Variants in SYNPR observed in about 807,000 individuals in gnomAD.
The protein encoded by SYNPR is synaptoporin.
A neutral mutation model predicts 32.9 loss-of-function variants in SYNPR; 23 were observed. That is an observed-to-expected ratio of 0.70 (90% CI 0.50 to 0.99). The LOEUF is 0.99. Among genes scored for constraint, SYNPR ranks in the 50% least tolerant of loss-of-function variants. SYNPR has a pLI of 0.00. For synonymous variants in SYNPR, 146 were observed against 135.9 expected (o/e 1.07, Z -0.52); for missense variants, 318 against 349.3 (o/e 0.91, Z 0.71).
chr3:63,496,566 C>T (rs1424516302), intron 3 of SYNPR, among the ~76,000 whole-genome samples: 2 of 152,128 alleles, frequency 1.3e-5, no homozygotes, highest in Non-Finnish European at 2.9e-5. Flanking sequence ...TAGATTTTGC[C>T]AAATTCCTCT....
chr3:63,442,472 G>C (rs1700197047), intron 2 of SYNPR, among the ~76,000 whole-genome samples: 1 of 152,168 alleles, frequency 6.6e-6, no homozygotes, highest in Non-Finnish European at 1.5e-5. Context: ...CACGATGCCA[G>C]TGTGAGAACA....
chr3:63,226,224 A>G (rs2086127186), upstream of SYNPR, among the ~76,000 whole-genome samples: 1 of 152,182 alleles, frequency 6.6e-6, no homozygotes, highest in South Asian at 2.1e-4. Flanking sequence ...AGATGTGGAA[A>G]AAAGGGAACT....
At chr3:63,490,086 A>C (rs2106714190) in intron 3 of SYNPR, among the ~76,000 whole-genome samples, 1 of 152,286 alleles carries the variant, frequency 6.6e-6, no homozygotes, top group Non-Finnish European at 1.5e-5. Flanking sequence ...TGGTTGGGGG[A>C]AAACCTTGCT....
intron 2 of SYNPR, among the ~76,000 whole-genome samples, chr3:63,473,541 G>C (rs761973596): frequency 2.0e-5 from 3 of 152,146 alleles, no homozygotes; most frequent in Admixed American, 6.5e-5. Context: ...GTAAAACAAA[G>C]CATAAGCAAA....
intron 5 of SYNPR, among the ~76,000 whole-genome samples, chr3:63,609,743 C>A (rs1362119612): frequency 2.6e-5 from 4 of 152,038 alleles, no homozygotes; most frequent in Non-Finnish European, 4.4e-5. Flanking sequence ...CCTGTCTCTA[C>A]TAAAAATACA....
intron 2 of SYNPR, among the ~76,000 whole-genome samples, chr3:63,450,111 C>G (rs1003931211): frequency 6.6e-6 from 1 of 152,194 alleles, no homozygotes; most frequent in Non-Finnish European, 1.5e-5. Context: ...ACAGGCTTGG[C>G]TTTCTTACTC....
intron 2 of SYNPR, among the ~76,000 whole-genome samples, chr3:63,461,824 C>A (rs1354541478): frequency 2.0e-5 from 3 of 151,888 alleles, no homozygotes; most frequent in African/African-American, 4.8e-5. Flanking sequence ...AGAGATAATA[C>A]CCATCTTGCA....
chr3:63,493,511 G>T lies in SYNPR; in HGVS notation c.209+12555G>T, dbSNP rs1441630980. 8.5e-5 allele frequency among the ~76,000 whole-genome samples: 13 copies of T among 152,078 alleles called. No homozygotes were observed. The South Asian group carries it at 1.7e-3, about 19-fold the overall frequency. On this transcript the variant is annotated intron_variant, in intron 3 of 5. Coordinates refer to ENST00000478300, the MANE Select transcript of SYNPR (RefSeq NM_001130003.2). ...CTACCTGCATGGTAACGTGTAGAAA[G>T]CTCATTTAAAATGGAGATTCCAGCC...
intron 2 of SYNPR, among the ~76,000 whole-genome samples, chr3:63,477,037 G>A (rs185846637): frequency 1.2e-4 from 19 of 152,248 alleles, no homozygotes; most frequent in Admixed American, 3.3e-4. Context: ...TGATTTGCCC[G>A]GTGTCACACA....
chr3:63,466,454 G>GT (rs34563762), intron 2 of SYNPR, among the ~76,000 whole-genome samples: 32,892 of 145,618 alleles, frequency 0.23, 4,375 homozygotes, highest in East Asian at 0.44. Flanking sequence ...TTCAGGATTT[G>GT]TTTTTTTTTT....
upstream of SYNPR, among the ~76,000 whole-genome samples, chr3:63,225,007 G>C (rs1423152929): frequency 2.0e-5 from 3 of 152,122 alleles, no homozygotes; most frequent in African/African-American, 7.2e-5. Context: ...TGATCCCTTG[G>C]CATGAGGATT....
intron 4 of SYNPR, among the ~76,000 whole-genome samples, chr3:63,603,688 T>C (rs1272793834): frequency 6.6e-6 from 1 of 152,360 alleles, no homozygotes; most frequent in East Asian, 1.9e-4. Context: ...ATCCCAGGGA[T>C]AAAGCCTGCT....
intron 2 of SYNPR, among the ~76,000 whole-genome samples, chr3:63,264,647 T>A (rs1458232094): frequency 6.6e-6 from 1 of 152,186 alleles, no homozygotes; most frequent in Non-Finnish European, 1.5e-5. Context: ...AAATTCGGTA[T>A]ATTAGTTAGT....
chr3:63,412,098 C>T (rs1165328827), intron 2 of SYNPR, among the ~76,000 whole-genome samples: 1 of 151,988 alleles, frequency 6.6e-6, no homozygotes, highest in Non-Finnish European at 1.5e-5. Context: ...ATCAATGGAA[C>T]TTCACAATAA....
At chr3:63,383,405 G>A (rs1389724762) in intron 2 of SYNPR, among the ~76,000 whole-genome samples, 1 of 152,118 alleles carries the variant, frequency 6.6e-6, no homozygotes, top group Admixed American at 6.6e-5. Flanking sequence ...CTCTCCTGGA[G>A]CAGCATAGCA....
chr3:63,251,196 A>C (rs1049644264), intron 1 of SYNPR, among the ~76,000 whole-genome samples: 1 of 152,176 alleles, frequency 6.6e-6, no homozygotes, highest in Non-Finnish European at 1.5e-5. Flanking sequence ...CGAAAGAAGA[A>C]ATAAATATGC....
chr3:63,205,109 T>G, the SYNPR span, among the ~76,000 whole-genome samples: 6 of 152,166 alleles, frequency 3.9e-5, no homozygotes, highest in African/African-American at 1.4e-4. Flanking sequence ...CCCAAATTTA[T>G]TCAACAGACC....
chr3:63,464,211 T>C (rs1414968259), intron 2 of SYNPR, among the ~76,000 whole-genome samples: 1 of 152,174 alleles, frequency 6.6e-6, no homozygotes, highest in Non-Finnish European at 1.5e-5. Flanking sequence ...TAATTTTTTT[T>C]CCTACTTTTT....
At chr3:63,210,795 C>CCCTTCCTT in the SYNPR span, among the ~76,000 whole-genome samples, 71 of 143,964 alleles carry the variant, frequency 4.9e-4, no homozygotes, top group East Asian at 7.5e-3. Flanking sequence ...CCATTTTCCT[C>CCCTTCCTT]CCTTCCTTCC....
Sources: allele counts gnomAD v4.1 joint callset (sites outside exome capture counted in the v4.1 genomes callset), GRCh38; gene constraint gnomAD v4.1.1; transcripts MANE v1.5; gene names NCBI Gene and HGNC (gene_info 2026-07-23, HGNC 2026-07-21).